RPS6KA2: variants seen among roughly 807,000 people sequenced by gnomAD.
The protein encoded by RPS6KA2 is ribosomal protein S6 kinase A2.
RPS6KA2 carries 42 observed loss-of-function variants against 91.8 expected under a neutral mutation model. That is an observed-to-expected ratio of 0.46 (90% CI 0.36 to 0.59). The LOEUF is 0.59. RPS6KA2 is among the 20% of genes least tolerant of loss of function. RPS6KA2 has a pLI of 0.00. For synonymous variants in RPS6KA2, 414 were observed against 393.6 expected (o/e 1.05, Z -0.61); for missense variants, 798 against 978.5 (o/e 0.82, Z 2.46).
At position 166,538,921 on chromosome 6, in the gene RPS6KA2, C is replaced by G. The variant is rs1783567863; in HGVS notation, c.100-137G>C. On this transcript the variant is annotated intron_variant, in intron 1 of 20. Transcript: ENST00000265678. ...CGCTGGAGTTTGAAAGTGGAGACAC[C>G]ATTTAGTTGTGTTTTTTTCTTTTTT... is the stretch of plus-strand genomic sequence containing the variant. 1.3e-5 allele frequency: 7 copies of G among 539,898 alleles called. No homozygotes were observed. In the East Asian group the frequency reaches 2.0e-4, roughly 15 times the overall value. 33.4% of individuals were successfully genotyped at this position (539,898 alleles called of 1,614,324 possible).
rs139921358 is a variant in RPS6KA2 at position 166,502,142 on chromosome 6, G to T, written c.567-1218C>A. ...CTGGAGATGGACGGTGGGGATGGGG[G>T]CCCAGCAATGGGAACGTGCTTAATG... On this transcript the variant is annotated intron_variant, in intron 6 of 20. Transcript: ENST00000265678. Among the ~76,000 whole-genome samples the T allele has an allele frequency of 5.7e-3, 868 of 152,228 alleles. 11 individuals are homozygous for T. Among genetic ancestry groups the T allele is most frequent in the African/African-American group, 0.02 (836 of 41,512 alleles).
At chr6:166,680,716 C>G (rs570331254) in intron 2 of RPS6KA2, among the ~76,000 whole-genome samples, 1 of 152,198 alleles carries the variant, frequency 6.6e-6, no homozygotes, top group African/African-American at 2.4e-5. Context: ...GGAAAAAATT[C>G]TGGACATATC....
chr6:166,427,776 C>T (rs1186623569), intron 16 of RPS6KA2, among the ~76,000 whole-genome samples: 1 of 152,162 alleles, frequency 6.6e-6, no homozygotes, highest in South Asian at 2.1e-4. Context: ...AGGAGAACTA[C>T]AAACCACTGC....
chr6:166,602,596 C>T lies in RPS6KA2; in HGVS notation c.99+24325G>A, dbSNP rs758830002. Reference sequence around the variant, plus strand: ...CTCATGAATGCAACCTGGAACAAGACGCATTCATGCATACACGAGATGACT... The same window carrying T: ...CTCATGAATGCAACCTGGAACAAGATGCATTCATGCATACACGAGATGACT... On this transcript the variant is annotated intron_variant, in intron 1 of 20. Coordinates refer to ENST00000265678, the MANE Select transcript of RPS6KA2 (RefSeq NM_021135.6). 5.1e-4 allele frequency among the ~76,000 whole-genome samples: 78 copies of T among 152,294 alleles called. 1 individual carries two copies. The highest frequency in any genetic ancestry group is 3.4e-3 in the Middle Eastern group (1 of 294).
At chr6:166,826,972 C>G (rs1273201933) in intron 2 of RPS6KA2, among the ~76,000 whole-genome samples, 1 of 152,110 alleles carries the variant, frequency 6.6e-6, no homozygotes, top group Admixed American at 6.5e-5. Context: ...CCAAGCCTAC[C>G]TTTAACATAG....
At chr6:166,766,950 CT>C (rs1244701918) in intron 2 of RPS6KA2, among the ~76,000 whole-genome samples, 1 of 152,214 alleles carries the variant, frequency 6.6e-6, no homozygotes, top group Non-Finnish European at 1.5e-5. Context: ...CCTAACGTGC[CT>C]CTCCTCCCTC....
At chr6:166,596,071 G>A (rs940635386) in intron 1 of RPS6KA2, among the ~76,000 whole-genome samples, 2 of 152,228 alleles carry the variant, frequency 1.3e-5, no homozygotes, top group African/African-American at 4.8e-5. Context: ...TTTAAAATAT[G>A]TGACTTGCAC....
At position 166,412,980 on chromosome 6, in the gene RPS6KA2, G is replaced by A; in HGVS notation, c.2077-93C>T. The A allele has an allele frequency of 1.5e-6, 2 of 1,326,352 alleles. No homozygotes were observed. The highest frequency in any genetic ancestry group is 2.0e-6 in the Non-Finnish European group (2 of 997,836). The allele number at this position is 1,326,352 out of a possible 1,614,324, so 82.2% of individuals were successfully genotyped here. A position where few individuals can be genotyped will look rare whatever the true frequency, so the allele number is the denominator to read the frequency against. ...CCTCCATGGGCCTCAGCTGCCCCCA[G>A]GCAACGTGGGAGAAACCAGAGCTTC... On this transcript the variant is annotated intron_variant, in intron 20 of 20. Transcript: ENST00000265678. This position sits in a 1 kb window ranked among gnomAD's most constrained non-coding sequence, Gnocchi z 4.3.
At chr6:166,526,570 G>A (rs563696510) in intron 3 of RPS6KA2, among the ~76,000 whole-genome samples, 8 of 151,990 alleles carry the variant, frequency 5.3e-5, no homozygotes, top group East Asian at 1.9e-4. Context: ...CCTAAGTCTC[G>A]AACTCCTGGG....
intron 2 of RPS6KA2, among the ~76,000 whole-genome samples, chr6:166,709,019 G>C (rs1329740127): frequency 1.3e-5 from 2 of 152,210 alleles, no homozygotes; most frequent in East Asian, 3.8e-4. Context: ...ACAAGGAAGA[G>C]GTGTGAGCCA....
At chr6:166,531,837 A>C (rs1783289115) in intron 2 of RPS6KA2, among the ~76,000 whole-genome samples, 1 of 152,208 alleles carries the variant, frequency 6.6e-6, no homozygotes, top group African/African-American at 2.4e-5. Flanking sequence ...ACTTACGGAT[A>C]TTTGGCAATG....
At chr6:166,787,765 C>T (rs1778971071) in intron 2 of RPS6KA2, among the ~76,000 whole-genome samples, 1 of 152,002 alleles carries the variant, frequency 6.6e-6, no homozygotes, top group Admixed American at 6.6e-5. Context: ...TGGGCATGCG[C>T]AAAAACTTCA....
chr6:166,651,608 G>T (rs1787857244), intron 2 of RPS6KA2, among the ~76,000 whole-genome samples: 1 of 152,232 alleles, frequency 6.6e-6, no homozygotes, highest in African/African-American at 2.4e-5. Context: ...CTGTCACTTT[G>T]AAGTGTTAGT....
Position 166,437,250 on chromosome 6 carries a change from G to A in RPS6KA2, c.1333-4760C>T, listed in dbSNP as rs1394463889. Among the ~76,000 whole-genome samples the A allele has an allele frequency of 6.6e-6, 1 of 152,076 alleles. No individual in the cohort carries two copies. The highest frequency in any genetic ancestry group is 2.4e-5 in the African/African-American group (1 of 41,394). On this transcript the variant is annotated intron_variant, in intron 14 of 20. Transcript: ENST00000265678. This position sits in a 1 kb window ranked among gnomAD's most constrained non-coding sequence, Gnocchi z 4.3. Reference sequence around the variant, plus strand: ...CTGCCAGCGCACTTCTTCTCTATGGGGTCGGTTTCTTGGGGTTGACCGTGT... The same window carrying A: ...CTGCCAGCGCACTTCTTCTCTATGGAGTCGGTTTCTTGGGGTTGACCGTGT...
chr6:166,502,212 T>C (rs1336452556), intron 6 of RPS6KA2, among the ~76,000 whole-genome samples: 1 of 152,122 alleles, frequency 6.6e-6, no homozygotes. Context: ...GTAAAAGTCA[T>C]GTGTATTTTT....
At chr6:166,861,041 A>C (rs1781035105) in intron 1 of RPS6KA2, among the ~76,000 whole-genome samples, 1 of 152,222 alleles carries the variant, frequency 6.6e-6, no homozygotes, top group Admixed American at 6.5e-5. Flanking sequence ...TATGCCCAAC[A>C]GTCTCTGCTA....
intron 3 of RPS6KA2, among the ~76,000 whole-genome samples, chr6:166,523,532 C>A (rs923679108): frequency 1.3e-5 from 2 of 152,036 alleles, no homozygotes; most frequent in African/African-American, 4.8e-5. Flanking sequence ...TGCCTTGTGC[C>A]TTAGTTTCAT....
chr6:166,725,011 G>A (rs117354391), intron 2 of RPS6KA2, among the ~76,000 whole-genome samples: 2,121 of 152,272 alleles, frequency 0.014, 32 homozygotes, highest in Non-Finnish European at 0.021. Flanking sequence ...AATGAAAACA[G>A]ACTCTTCTCA....
At chr6:166,446,152 T>A (rs1779672068) in intron 14 of RPS6KA2, among the ~76,000 whole-genome samples, 1 of 152,218 alleles carries the variant, frequency 6.6e-6, no homozygotes, top group African/African-American at 2.4e-5. Context: ...TGCACAGAAA[T>A]GCCAATTCGT....
Sources: allele counts gnomAD v4.1 joint callset (sites outside exome capture counted in the v4.1 genomes callset), GRCh38; gene constraint gnomAD v4.1.1; non-coding constraint Gnocchi (gnomAD v3.1); transcripts MANE v1.5; gene names NCBI Gene and HGNC (gene_info 2026-07-23, HGNC 2026-07-21).